Variants in NKAIN3 observed in about 807,000 individuals in gnomAD.
The protein encoded by NKAIN3 is sodium/potassium-transporting ATPase subunit beta-1-interacting protein 3.
Under a neutral mutation model 30.2 loss-of-function variants are expected in NKAIN3, and 25 were observed. The observed-to-expected ratio is 0.83, with a 90% CI of 0.60 to 1.16. NKAIN3 has a LOEUF of 1.16. Ranked by LOEUF, NKAIN3 falls within the 50% of genes most tolerant of loss-of-function variation. The probability of loss-of-function intolerance (pLI) is 0.00; values close to 1 mark genes in which losing one functional copy is unlikely to be tolerated. For missense variants in NKAIN3, 225 were observed against 254.1 expected (o/e 0.89, Z 0.78); for synonymous variants, 91 against 89.6 (o/e 1.02, Z -0.09).
chr8:62,295,270 G>T (rs1177053856), intron 1 of NKAIN3, among the ~76,000 whole-genome samples: 1 of 152,142 alleles, frequency 6.6e-6, no homozygotes, highest in South Asian at 2.1e-4. Context: ...GTTCATAGGA[G>T]GTTGTGGCAG....
At chr8:62,347,193 A>G (rs1816031535) in intron 1 of NKAIN3, among the ~76,000 whole-genome samples, 1 of 152,140 alleles carries the variant, frequency 6.6e-6, no homozygotes, top group African/African-American at 2.4e-5. Flanking sequence ...TGGCTTATCT[A>G]TGTGCTGCAT....
chr8:62,827,706 C>T (rs1228802314), intron 4 of NKAIN3, among the ~76,000 whole-genome samples: 1 of 151,946 alleles, frequency 6.6e-6, no homozygotes, highest in Non-Finnish European at 1.5e-5. Flanking sequence ...AATTTTAAAA[C>T]AAATAAGAGT....
chr8:62,468,905 C>T (rs1012020810), intron 1 of NKAIN3, among the ~76,000 whole-genome samples: 2 of 152,102 alleles, frequency 1.3e-5, no homozygotes, highest in African/African-American at 4.8e-5. Context: ...AGTAATGCAA[C>T]CCTAATCCCA....
intron 1 of NKAIN3, among the ~76,000 whole-genome samples, chr8:62,466,379 G>A (rs937997298): frequency 3.3e-5 from 5 of 152,034 alleles, no homozygotes; most frequent in African/African-American, 1.2e-4. Context: ...TTAAAGATCA[G>A]TGTTTTCGTC....
chr8:62,781,601 A>G (rs1354692092), intron 4 of NKAIN3, among the ~76,000 whole-genome samples: 1 of 152,054 alleles, frequency 6.6e-6, no homozygotes, highest in Non-Finnish European at 1.5e-5. Flanking sequence ...GGAACAGAAT[A>G]GAGAACCCAG....
At chr8:62,664,299 A>G (rs1813031173) in intron 3 of NKAIN3, among the ~76,000 whole-genome samples, 1 of 152,038 alleles carries the variant, frequency 6.6e-6, no homozygotes, top group Non-Finnish European at 1.5e-5. Context: ...CTCCAGTTTG[A>G]GGTTCAGCCA....
intron 4 of NKAIN3, among the ~76,000 whole-genome samples, chr8:62,764,797 T>G (rs1816781121): frequency 6.6e-6 from 1 of 152,202 alleles, no homozygotes; most frequent in South Asian, 2.1e-4. Context: ...AATCATGAGA[T>G]TTATGTGTCC....
At chr8:62,836,937 C>T (rs187779732) in intron 4 of NKAIN3, among the ~76,000 whole-genome samples, 2 of 152,176 alleles carry the variant, frequency 1.3e-5, no homozygotes, top group Admixed American at 1.3e-4. Context: ...ATGAGTTTTC[C>T]TGGAAAGTTG....
At chr8:62,528,758 G>A (rs1222958393) in intron 1 of NKAIN3, among the ~76,000 whole-genome samples, 7 of 152,088 alleles carry the variant, frequency 4.6e-5, no homozygotes, top group Admixed American at 3.9e-4. Context: ...TCCATGTTGT[G>A]TATGCCGGTA....
chr8:62,593,136 T>C, intron 3 of NKAIN3, among the ~76,000 whole-genome samples: 1 of 152,054 alleles, frequency 6.6e-6, no homozygotes, highest in East Asian at 1.9e-4. Context: ...TTACAATTTA[T>C]ATTTTCTATT....
chr8:62,888,476 C>T (rs1029475037), intron 4 of NKAIN3, among the ~76,000 whole-genome samples: 5 of 152,156 alleles, frequency 3.3e-5, no homozygotes, highest in African/African-American at 1.2e-4. Flanking sequence ...AAGTTTTCTA[C>T]CCGGTTTAGG....
At chr8:62,659,016 C>T (rs894113550) in intron 3 of NKAIN3, among the ~76,000 whole-genome samples, 1 of 152,136 alleles carries the variant, frequency 6.6e-6, no homozygotes, top group African/African-American at 2.4e-5. Context: ...CCATAATCCG[C>T]TCATTCATAT....
chr8:62,823,898 G>T (rs1002001043), intron 4 of NKAIN3, among the ~76,000 whole-genome samples: 3 of 152,130 alleles, frequency 2.0e-5, no homozygotes, highest in African/African-American at 7.2e-5. Context: ...GATTCCATGA[G>T]AAACAAGCTC....
At chr8:62,859,908 A>G (rs745834685) in intron 4 of NKAIN3, among the ~76,000 whole-genome samples, 2 of 152,204 alleles carry the variant, frequency 1.3e-5, no homozygotes, top group Non-Finnish European at 2.9e-5. Context: ...AATTTTTAAT[A>G]GCTTTGCTCT....
intron 1 of NKAIN3, among the ~76,000 whole-genome samples, chr8:62,390,367 G>A (rs181240145): frequency 2.8e-3 from 424 of 152,252 alleles, no homozygotes; most frequent in South Asian, 0.012. Flanking sequence ...TCCTGCAAAG[G>A]ACATGAGCTT....
chr8:62,283,964 A>G (rs984646058), intron 1 of NKAIN3, among the ~76,000 whole-genome samples: 1 of 152,212 alleles, frequency 6.6e-6, no homozygotes, highest in Non-Finnish European at 1.5e-5. Context: ...AAAGCATTAA[A>G]AATTATTAAA....
chr8:62,321,020 C>T (rs541840722), intron 1 of NKAIN3, among the ~76,000 whole-genome samples: 4 of 152,126 alleles, frequency 2.6e-5, no homozygotes, highest in Admixed American at 2.6e-4. Context: ...TTCTTAGAGG[C>T]TTTGTTCATT....
intron 1 of NKAIN3, among the ~76,000 whole-genome samples, chr8:62,500,169 C>A (rs1224685709): frequency 6.6e-6 from 1 of 151,938 alleles, no homozygotes; most frequent in East Asian, 1.9e-4. Context: ...ACCTGAGACC[C>A]AGAGAAGTTA....
At chr8:62,748,759 G>C (rs1185708371) in intron 4 of NKAIN3, among the ~76,000 whole-genome samples, 1 of 152,052 alleles carries the variant, frequency 6.6e-6, no homozygotes, top group Non-Finnish European at 1.5e-5. Context: ...TCAAAGAAAG[G>C]GATTGCACCT....
Sources: allele counts gnomAD v4.1 joint callset (sites outside exome capture counted in the v4.1 genomes callset), GRCh38; gene constraint gnomAD v4.1.1; transcripts MANE v1.5; gene names NCBI Gene and HGNC (gene_info 2026-07-23, HGNC 2026-07-21).